CCDC178: variants seen among roughly 807,000 people sequenced by gnomAD.
CCDC178 encodes coiled-coil domain-containing protein 178.
A neutral mutation model predicts 117.4 loss-of-function variants in CCDC178; 126 were observed. The observed-to-expected ratio is 1.07, with a 90% confidence interval of 0.93 to 1.24. CCDC178 has a LOEUF of 1.24. Among genes scored for constraint, CCDC178 ranks in the 50% most tolerant of loss-of-function variants. CCDC178 has a pLI of 0.00. For missense variants in CCDC178, 1,030 were observed against 986.9 expected (o/e 1.04, Z -0.59); for synonymous variants, 283 against 313.4 (o/e 0.90, Z 1.02).
At chr18:33,278,785 G>A (rs2059985218) in intron 12 of CCDC178, among the ~76,000 whole-genome samples, 2 of 152,124 alleles carry the variant, frequency 1.3e-5, no homozygotes, top group South Asian at 4.1e-4. Context: ...TTAAAGGGAT[G>A]CAAGGCTGGT....
chr18:32,963,985 T>G (rs901254416), intron 22 of CCDC178, among the ~76,000 whole-genome samples: 6 of 152,036 alleles, frequency 3.9e-5, no homozygotes, highest in Admixed American at 1.3e-4. Context: ...CAGAATAAAT[T>G]CAGTGTTTCA....
At chr18:32,938,126 G>A (rs1361459147) in intron 22 of CCDC178, 35 bp from the exon 23 acceptor site, 7 of 1,388,988 alleles carry the variant, frequency 5.0e-6, no homozygotes, top group Admixed American at 1.7e-5. Context: ...AAATCAATAA[G>A]TACTCATTAA....
chr18:33,149,321 T>TTTC (rs1287194210), intron 20 of CCDC178, among the ~76,000 whole-genome samples: 1 of 152,160 alleles, frequency 6.6e-6, no homozygotes, highest in Non-Finnish European at 1.5e-5. Flanking sequence ...AGTGAGGAGA[T>TTTC]TAAGAAGAGA....
chr18:33,028,201 A>C (rs894130686), intron 21 of CCDC178, among the ~76,000 whole-genome samples: 2 of 151,754 alleles, frequency 1.3e-5, no homozygotes, highest in Non-Finnish European at 3.0e-5. Flanking sequence ...CCAAATGTTC[A>C]TTCTTAGAAT....
At chr18:33,190,890 A>G (rs1483107590) in intron 20 of CCDC178, among the ~76,000 whole-genome samples, 3 of 152,174 alleles carry the variant, frequency 2.0e-5, no homozygotes, top group African/African-American at 7.2e-5. Context: ...ACTTTCAATG[A>G]ACATCCCAAT....
At chr18:33,045,949 T>A (rs2056634115) in intron 21 of CCDC178, among the ~76,000 whole-genome samples, 1 of 152,110 alleles carries the variant, frequency 6.6e-6, no homozygotes, top group African/African-American at 2.4e-5. Flanking sequence ...CCACCTATTA[T>A]CCCAGCTACT....
chr18:33,115,507 T>C (rs1478486156), intron 20 of CCDC178, among the ~76,000 whole-genome samples: 3 of 152,126 alleles, frequency 2.0e-5, no homozygotes, highest in Non-Finnish European at 2.9e-5. Context: ...ACTTCCAAGA[T>C]AGATCTTAAT....
At position 32,953,388 on chromosome 18, in the gene CCDC178, G is replaced by T. The variant is rs754710130; in HGVS notation, c.2524-15297C>A. ...TTTCCCATGTCTTCCTATCTTCTGA[G>T]CCCTCCAAGTCTCTAGGAATTTCCA... On this transcript the variant is annotated intron_variant, in intron 22 of 22. Transcript: ENST00000383096. Among the ~76,000 whole-genome samples the T allele has an allele frequency of 1.6e-4, 24 of 152,178 alleles. 1 individual carries two copies. The highest frequency in any genetic ancestry group is 3.1e-4 in the Non-Finnish European group (21 of 68,004).
At chr18:33,220,056 G>C (rs1023142294) in intron 18 of CCDC178, among the ~76,000 whole-genome samples, 1 of 152,012 alleles carries the variant, frequency 6.6e-6, no homozygotes, top group Non-Finnish European at 1.5e-5. Flanking sequence ...AAAGTCTCCA[G>C]TCACACATCC....
At chr18:33,201,920 T>C (rs1053817808) in intron 20 of CCDC178, among the ~76,000 whole-genome samples, 2 of 152,168 alleles carry the variant, frequency 1.3e-5, no homozygotes, top group Non-Finnish European at 2.9e-5. Flanking sequence ...AATAATGTAT[T>C]GAGTAACATA....
chr18:33,254,472 T>G (rs1016351496), intron 14 of CCDC178, among the ~76,000 whole-genome samples: 1 of 151,910 alleles, frequency 6.6e-6, no homozygotes, highest in African/African-American at 2.4e-5. Flanking sequence ...ACAGCTGTGC[T>G]AGGTGACTGA....
intron 20 of CCDC178, among the ~76,000 whole-genome samples, chr18:33,127,635 C>T (rs2058023977): frequency 6.6e-6 from 1 of 152,034 alleles, no homozygotes; most frequent in African/African-American, 2.4e-5. Context: ...GGGGTTTCAC[C>T]ATCTTGGCCA....
At chr18:33,096,712 A>G (rs2057548826) in intron 20 of CCDC178, among the ~76,000 whole-genome samples, 1 of 152,110 alleles carries the variant, frequency 6.6e-6, no homozygotes, top group Non-Finnish European at 1.5e-5. Context: ...TCAACAGGAA[A>G]CATTCCTCCA....
In CCDC178 at chr18:33,254,199, T is replaced by C. The variant is rs1189734955; in HGVS notation, c.1410-8771A>G. ...AAAGGAAGAACTAAGAATAAACTTT[T>C]ATATTTAGCTATCATTCATTCATTA... is the stretch of plus-strand genomic sequence containing the variant. On this transcript the variant is annotated intron_variant, in intron 14 of 22. Transcript: ENST00000383096. Among the ~76,000 whole-genome samples, 4 of 151,624 alleles carry C rather than the reference T, an allele frequency of 2.6e-5. No individual in the cohort carries two copies. The East Asian group carries it at 7.8e-4, about 30-fold the overall frequency.
chr18:33,194,233 TA>T, intron 20 of CCDC178, among the ~76,000 whole-genome samples: 1 of 152,038 alleles, frequency 6.6e-6, no homozygotes, highest in South Asian at 2.1e-4. Context: ...ATAAATACTT[TA>T]TAAATATCTC....
At chr18:33,088,823 G>A (rs1387939729) in intron 21 of CCDC178, among the ~76,000 whole-genome samples, 1 of 152,060 alleles carries the variant, frequency 6.6e-6, no homozygotes, top group Non-Finnish European at 1.5e-5. Context: ...ATGCTTATCT[G>A]CAGTTTATTG....
chr18:33,370,442 CA>C (rs1239593150), intron 5 of CCDC178, among the ~76,000 whole-genome samples: 1 of 150,640 alleles, frequency 6.6e-6, no homozygotes, highest in Non-Finnish European at 1.5e-5. Context: ...AAACTTCAAG[CA>C]AAGTTGAAAA....
At chr18:33,019,705 G>A (rs1446565529) in intron 21 of CCDC178, among the ~76,000 whole-genome samples, 2 of 151,774 alleles carry the variant, frequency 1.3e-5, no homozygotes, top group Non-Finnish European at 2.9e-5. Context: ...TAAGGAAACT[G>A]AGACTCAAGG....
rs757659847 is a variant in CCDC178, at chr18:33,374,588, A to C, written c.209-4399T>G. 6.6e-5 allele frequency among the ~76,000 whole-genome samples: 10 copies of C among 152,234 alleles called. 1 individual carries two copies. Among genetic ancestry groups the C allele is most frequent in the Non-Finnish European group, 1.2e-4 (8 of 68,042 alleles). ...GAAAACAATTTGGCAATTTCTTATA[A>C]AAGTTAAACTTACCATATTACTCAG... On this transcript the variant is annotated intron_variant, in intron 5 of 22. Coordinates refer to ENST00000383096, the MANE Select transcript of CCDC178 (RefSeq NM_001105528.4).
Sources: allele counts gnomAD v4.1 joint callset (sites outside exome capture counted in the v4.1 genomes callset), GRCh38; gene constraint gnomAD v4.1.1; transcripts MANE v1.5; gene names NCBI Gene and HGNC (gene_info 2026-07-23, HGNC 2026-07-21).